Variants in KCNAB2 observed in about 807,000 individuals in gnomAD.
The protein encoded by KCNAB2 is voltage-gated potassium channel subunit beta-2.
In KCNAB2, 29 loss-of-function variants were observed where a neutral mutation model predicts 63.6. The ratio of observed to expected loss-of-function variants is 0.46; its 90% CI spans 0.34 to 0.62. The LOEUF (loss-of-function observed/expected upper bound fraction) is 0.62. Among genes scored for constraint, KCNAB2 ranks in the 20% least tolerant of loss-of-function variants. The pLI is 0.01. For synonymous variants in KCNAB2, 222 were observed against 224.2 expected, an observed-to-expected ratio of 0.99 and a Z score of 0.09; for missense variants, 359 against 563.9, an observed-to-expected ratio of 0.64 and a Z score of 3.68.
At position 6,078,455 on chromosome 1, in the gene KCNAB2, T is replaced by C. The variant is rs963247596; in HGVS notation, c.301-3740T>C. Among the ~76,000 whole-genome samples the C allele has an allele frequency of 7.3e-5, 11 of 151,432 alleles. No individual in the cohort carries two copies. The highest frequency in any genetic ancestry group is 1.3e-4 in the Admixed American group (2 of 15,196). On this transcript the variant is annotated intron_variant, in intron 4 of 15. Transcript: ENST00000378083. The surrounding 1 kb of genome is among the most constrained non-coding windows in gnomAD (Gnocchi z 4.2). ...AAAAAGGAGGGCAGGGGGGCGGGGG[T>C]CCTGACGACAGGGTGGTCAGGAAGC...
At chr1:6,001,318 A>T (rs993268144) in intron 1 of KCNAB2, among the ~76,000 whole-genome samples, 1 of 151,732 alleles carries the variant, frequency 6.6e-6, no homozygotes, top group Non-Finnish European at 1.5e-5. Context: ...ACACACACAC[A>T]CACACACACA....
chr1:6,023,201 A>G (rs1179708556), intron 1 of KCNAB2, among the ~76,000 whole-genome samples: 1 of 152,132 alleles, frequency 6.6e-6, no homozygotes, highest in Admixed American at 6.5e-5. Flanking sequence ...CTTTTTATCC[A>G]TCAGTGAACC....
In KCNAB2 at chr1:6,015,789, C is replaced by T. The variant is rs59663005; in HGVS notation, c.-53+23001C>T. 8.0e-4 allele frequency among the ~76,000 whole-genome samples: 122 copies of T among 152,260 alleles called. 1 individual carries two copies. The East Asian group carries it at 0.018, about 23-fold the overall frequency. ...TCGCAGTCATGGCCCAGTGCAGCCT[C>T]CACCTCCCCGGGCTCAAGTGATCCT... On this transcript the variant is annotated intron_variant, in intron 1 of 16. Transcript: ENST00000341524.
upstream of KCNAB2, among the ~76,000 whole-genome samples, chr1:6,029,413 A>G (rs745541222): frequency 1.3e-5 from 2 of 152,142 alleles, no homozygotes; most frequent in Non-Finnish European, 2.9e-5. Flanking sequence ...TCAGACACCA[A>G]TTTTGCTGGT....
At chr1:6,019,660 C>T (rs1658709553) in intron 1 of KCNAB2, among the ~76,000 whole-genome samples, 1 of 152,334 alleles carries the variant, frequency 6.6e-6, no homozygotes, top group East Asian at 1.9e-4. Flanking sequence ...TGATACAGCA[C>T]CAACCCGAGG....
chr1:6,096,189 C>T lies in KCNAB2; in HGVS notation c.949-447C>T. 1 of 457,792 alleles carries T rather than the reference C, an allele frequency of 2.2e-6. No homozygotes were observed. Among genetic ancestry groups the T allele is most frequent in the Non-Finnish European group, 4.4e-6 (1 of 228,402 alleles). 28.4% of individuals were successfully genotyped at this position (457,792 alleles called of 1,614,324 possible). A position where few individuals can be genotyped will look rare whatever the true frequency, so the allele number is the denominator to read the frequency against. ...CAACGTGGCCTGGCCCCCGACTCCT[C>T]CCATCCCATGGCAAGGTCAGGGCCC... On this transcript the variant is annotated intron_variant, in intron 13 of 15. Transcript: ENST00000378083. This position sits in a 1 kb window ranked among gnomAD's most constrained non-coding sequence, Gnocchi z 5.9.
At chr1:6,072,265 C>T (rs1346776768) in intron 2 of KCNAB2, among the ~76,000 whole-genome samples, 1 of 152,186 alleles carries the variant, frequency 6.6e-6, no homozygotes, top group African/African-American at 2.4e-5. Flanking sequence ...TGGAGCTCCC[C>T]GCACCCCGAG....
intron 1 of KCNAB2, among the ~76,000 whole-genome samples, chr1:5,999,699 G>T (rs139892536): frequency 1.5e-3 from 234 of 152,184 alleles, no homozygotes; most frequent in African/African-American, 5.5e-3. Flanking sequence ...CTTGCCCACG[G>T]CAGAGGAGGC....
chr1:6,072,782 C>G lies in KCNAB2; in HGVS notation c.246C>G (p.Val82=). ...YRNLGKSGLR[V]SCLGLGTWVT... ...ACCTGGGCAAGTCTGGCCTGCGGGT[C>G]TCCTGCCTGGGACTTGGTGAGTGTG... The change falls in exon 3 of 16, where the codon GTC becomes GTG. Residue 82 remains valine (V), a synonymous_variant. Coordinates refer to ENST00000378083, the MANE Select transcript of KCNAB2 (RefSeq NM_001199862.2). 1 of 1,613,928 alleles carries G rather than the reference C, an allele frequency of 6.2e-7. No individual in the cohort carries two copies. Among genetic ancestry groups the G allele is most frequent in the Non-Finnish European group, 8.5e-7 (1 of 1,179,878 alleles).
intron 7 of KCNAB2, among the ~76,000 whole-genome samples, chr1:6,088,222 C>G (rs940881175): frequency 7.3e-6 from 1 of 137,024 alleles, no homozygotes; most frequent in African/African-American, 2.8e-5. Context: ...TGTCCTTTTT[C>G]TCTCTCTCTC....
At chr1:6,076,392 C>T (rs569216162) in intron 4 of KCNAB2, among the ~76,000 whole-genome samples, 3 of 152,234 alleles carry the variant, frequency 2.0e-5, no homozygotes, top group East Asian at 1.9e-4. Context: ...GGAGCCACCA[C>T]GGTGGTTTCA....
intron 1 of KCNAB2, among the ~76,000 whole-genome samples, chr1:6,009,978 C>A (rs1201988688): frequency 6.6e-6 from 1 of 151,792 alleles, no homozygotes; most frequent in Middle Eastern, 3.4e-3. Flanking sequence ...TCAGGCGATT[C>A]TCCTGCCTCG....
chr1:6,061,845 A>T (rs530003150), intron 2 of KCNAB2, among the ~76,000 whole-genome samples: 3 of 152,352 alleles, frequency 2.0e-5, no homozygotes, highest in Non-Finnish European at 4.4e-5. Context: ...TGAAATTTTT[A>T]AAATAAATAA....
upstream of KCNAB2, among the ~76,000 whole-genome samples, chr1:6,030,076 T>C (rs566745558): frequency 6.6e-6 from 1 of 152,272 alleles, no homozygotes; most frequent in Non-Finnish European, 1.5e-5. Context: ...AGGTACCCAC[T>C]GGACTTATAA....
intron 2 of KCNAB2, among the ~76,000 whole-genome samples, chr1:6,058,116 T>A (rs535948592): frequency 6.6e-6 from 1 of 152,224 alleles, no homozygotes; most frequent in Admixed American, 6.5e-5. Flanking sequence ...CCACTGGCAC[T>A]CCAGCCTGGG....
upstream of KCNAB2, among the ~76,000 whole-genome samples, chr1:6,033,429 T>G (rs1659796946): frequency 6.7e-6 from 1 of 150,176 alleles, no homozygotes; most frequent in African/African-American, 2.5e-5. Context: ...TCTGTGCATG[T>G]GGATGTGGTG....
chr1:6,051,670 A>G lies in KCNAB2; in HGVS notation c.134A>G (p.Gln45Arg), dbSNP rs1454878606. The change falls in exon 2 of 16, where the codon CAG becomes CGG. Residue 45 changes from glutamine (Q) to arginine (R), a missense_variant. By Grantham distance (43) the Gln-to-Arg change is conservative (BLOSUM62 1). Transcript: ENST00000378083. Reference protein sequence around the residue: ...QRLREVRAAAQARNMESFLRM... With the variant: ...QRLREVRAAARARNMESFLRM... ...CTGCGGGAGGTGCGGGCGGCTGCCC[A>G]GGCCAGGAACATGGAGAGCTTCCTC... 2.6e-6 allele frequency: 4 copies of G among 1,533,884 alleles called. No homozygotes were observed. The highest frequency in any genetic ancestry group is 3.9e-5 in the Admixed American group (2 of 50,966).
Position 6,003,946 on chromosome 1 carries a change from G to C in KCNAB2, c.-53+11158G>C, listed in dbSNP as rs148495868. ...CAAATTGCTGCCGCAGCGCTGCCTG[G>C]CAAGATGTTAATCGTTCATGCCCTG... On this transcript the variant is annotated intron_variant, in intron 1 of 16. Transcript: ENST00000341524. This position sits in a 1 kb window ranked among gnomAD's most constrained non-coding sequence, Gnocchi z 4.1. Among the ~76,000 whole-genome samples the C allele has an allele frequency of 3.8e-4, 58 of 152,322 alleles. No homozygotes were observed. Among genetic ancestry groups the C allele is most frequent in the African/African-American group, 1.3e-3 (55 of 41,560 alleles).
In KCNAB2 at chr1:6,045,927, C is replaced by A; in HGVS notation, c.-283C>A. 1 of 985,434 alleles carries A rather than the reference C, an allele frequency of 1.0e-6. No individual in the cohort carries two copies. The highest frequency in any genetic ancestry group is 1.2e-6 in the Non-Finnish European group (1 of 829,934). The allele number at this position is 985,434 out of a possible 1,614,324, so 61.0% of individuals were successfully genotyped here. ...GGTTGCAGCACGGAACTGCACTTCC[C>A]GAGCTTTTAGGGGAAGAGGCACTCG... On this transcript the variant is annotated 5_prime_UTR_variant, in exon 1 of 16. Transcript: ENST00000378083. This position sits in a 1 kb window ranked among gnomAD's most constrained non-coding sequence, Gnocchi z 4.8.
Sources: gnomAD v4.1 joint callset for allele counts (sites outside exome capture counted in the v4.1 genomes callset) on GRCh38, gnomAD v4.1.1 for gene constraint, Gnocchi (gnomAD v3.1) non-coding constraint, MANE v1.5 for transcripts, NCBI Gene and HGNC (gene_info 2026-07-23, HGNC 2026-07-21) for gene names.